ESRRG: variants seen among roughly 807,000 people sequenced by gnomAD.
ESRRG encodes the protein estrogen related receptor gamma.
ESRRG carries 13 observed loss-of-function variants against 44.0 expected under a neutral mutation model. The ratio of observed to expected loss-of-function variants is 0.30; its 90% CI spans 0.19 to 0.47. ESRRG has a LOEUF of 0.47. Among genes scored for constraint, ESRRG ranks in the 20% least tolerant of loss-of-function variants. The pLI is 1.00. For synonymous variants in ESRRG, 215 were observed against 214.6 expected, an observed-to-expected ratio of 1.00 and a Z score of -0.02; for missense variants, 395 against 580.6, an observed-to-expected ratio of 0.68 and a Z score of 3.29.
intron 2 of ESRRG, among the ~76,000 whole-genome samples, chr1:216,792,994 A>G (rs11117678): frequency 0.099 from 15,010 of 152,176 alleles, 1,002 homozygotes; most frequent in East Asian, 0.2. Flanking sequence ...GAATCATGCA[A>G]TACAGTTAGA....
intron 1 of ESRRG, among the ~76,000 whole-genome samples, chr1:217,098,547 T>C (rs1185259187): frequency 1.3e-5 from 2 of 152,104 alleles, no homozygotes; most frequent in Non-Finnish European, 2.9e-5. Flanking sequence ...CCACTGATGA[T>C]GGGCAAGTAG....
At chr1:216,607,886 C>A (rs1184658608) in intron 3 of ESRRG, among the ~76,000 whole-genome samples, 2 of 152,140 alleles carry the variant, frequency 1.3e-5, no homozygotes, top group African/African-American at 4.8e-5. Context: ...CACAAAACCA[C>A]TAATAAGTTT....
At chr1:217,025,848 TA>T (rs2081099504) in intron 1 of ESRRG, among the ~76,000 whole-genome samples, 1 of 152,240 alleles carries the variant, frequency 6.6e-6, no homozygotes, top group South Asian at 2.1e-4. Context: ...TATGGTTATA[TA>T]GTTACACTAC....
At chr1:216,895,564 C>T (rs1010535922) in intron 2 of ESRRG, among the ~76,000 whole-genome samples, 3 of 152,094 alleles carry the variant, frequency 2.0e-5, no homozygotes, top group African/African-American at 7.2e-5. Context: ...GTTCTTCTAC[C>T]TTAGCAAGTT....
chr1:216,776,293 C>A (rs75573636), intron 2 of ESRRG, among the ~76,000 whole-genome samples: 2 of 152,048 alleles, frequency 1.3e-5, no homozygotes, highest in Non-Finnish European at 2.9e-5. Context: ...CATACGGCAA[C>A]CACTCCCCAC....
chr1:216,715,774 A>G (rs1188987708), intron 1 of ESRRG, among the ~76,000 whole-genome samples: 3 of 152,086 alleles, frequency 2.0e-5, no homozygotes, highest in Admixed American at 2.0e-4. Flanking sequence ...GTATCCTTTT[A>G]AGATATTTTA....
At chr1:217,049,622 G>C (rs760904482) in intron 1 of ESRRG, among the ~76,000 whole-genome samples, 1 of 152,194 alleles carries the variant, frequency 6.6e-6, no homozygotes, top group Non-Finnish European at 1.5e-5. Flanking sequence ...AGAAGATCTA[G>C]AGGTGAGTGT....
chr1:216,813,890 T>G (rs1414588261), intron 2 of ESRRG, among the ~76,000 whole-genome samples: 2 of 152,224 alleles, frequency 1.3e-5, no homozygotes, highest in East Asian at 3.8e-4. Context: ...GAATAGTATC[T>G]CAGTTGCATT....
chr1:217,129,804 G>A (rs1447049387), intron 1 of ESRRG, among the ~76,000 whole-genome samples: 2 of 152,146 alleles, frequency 1.3e-5, no homozygotes, highest in African/African-American at 2.4e-5. Context: ...TGGCTGAAGG[G>A]GAGGGAAGAA....
intron 2 of ESRRG, among the ~76,000 whole-genome samples, chr1:216,878,337 A>G (rs1421599337): frequency 6.6e-6 from 1 of 152,168 alleles, no homozygotes; most frequent in Non-Finnish European, 1.5e-5. Context: ...CATCAGTATT[A>G]GGCACTATAA....
In ESRRG at chr1:216,735,714, T is replaced by C. The variant is rs146601422; in HGVS notation, c.-13-58223A>G. ...AAAAATTTCAGGCTGGGAGTGGTGG[T>C]TCATGCCTGTAATCCCAGCACTTTG... is the stretch of plus-strand genomic sequence containing the variant. On this transcript the variant is annotated intron_variant, in intron 2 of 7. Transcript: ENST00000359162. Among the ~76,000 whole-genome samples, 701 of 152,054 alleles carry C rather than the reference T, an allele frequency of 4.6e-3. 13 individuals are homozygous for C. Among genetic ancestry groups the C allele is most frequent in the African/African-American group, 0.016 (682 of 41,488 alleles).
In ESRRG at chr1:216,645,476, T is replaced by C. The variant is rs115242040; in HGVS notation, c.589+5497A>G. On this transcript the variant is annotated intron_variant, in intron 3 of 6. Coordinates refer to ENST00000408911, the MANE Select transcript of ESRRG (RefSeq NM_001438.4). The stretch of plus-strand genomic sequence containing the variant: ...TGAAGGGTTAAGAAAGAATATAGTC[T>C]AACTGGTCCCCTGAAGATACAGGAA... Among the ~76,000 whole-genome samples the C allele has an allele frequency of 8.5e-4, 130 of 152,262 alleles. 2 individuals are homozygous for C. The highest frequency in any genetic ancestry group is 2.9e-3 in the African/African-American group (120 of 41,564).
chr1:217,061,137 AT>A (rs2151351137), intron 1 of ESRRG, among the ~76,000 whole-genome samples: 1 of 152,128 alleles, frequency 6.6e-6, no homozygotes, highest in Admixed American at 6.6e-5. Flanking sequence ...GGAGTTAACA[AT>A]GTGTAAAATG....
In ESRRG at chr1:216,506,897, C is replaced by G; in HGVS notation, c.*42G>C. 4.4e-6 allele frequency: 7 copies of G among 1,582,020 alleles called. No individual in the cohort carries two copies. The Middle Eastern group carries it at 5.1e-4, about 116-fold the overall frequency. ...GACATCACTCTTGGGTTTATTTTCC[C>G]TTTTTCAACATGAAGGATGGGAAGG... is the stretch of plus-strand genomic sequence containing the variant. On this transcript the variant is annotated 3_prime_UTR_variant, in exon 7 of 7. Transcript: ENST00000408911.
At chr1:217,049,373 T>C (rs1267662291) in intron 1 of ESRRG, among the ~76,000 whole-genome samples, 1 of 152,170 alleles carries the variant, frequency 6.6e-6, no homozygotes, top group Non-Finnish European at 1.5e-5. Flanking sequence ...TCTCACTGAA[T>C]TGCTATCTGC....
chr1:216,825,899 A>G (rs2095384247), intron 2 of ESRRG, among the ~76,000 whole-genome samples: 1 of 152,248 alleles, frequency 6.6e-6, no homozygotes. Context: ...ATTTAAACTA[A>G]ATCTATTAGT....
chr1:217,081,221 C>CTTTTT (rs143325476), intron 1 of ESRRG, among the ~76,000 whole-genome samples: 25,863 of 70,338 alleles, frequency 0.37, 8,431 homozygotes, highest in Non-Finnish European at 0.43. Context: ...TAAAAATATT[C>CTTTTT]TTTTTTTTTT....
chr1:216,579,419 A>T (rs950460937), intron 3 of ESRRG, among the ~76,000 whole-genome samples: 1 of 152,132 alleles, frequency 6.6e-6, no homozygotes, highest in Non-Finnish European at 1.5e-5. Context: ...AGAAATTAAC[A>T]GTTGGGAAAG....
At position 217,017,478 on chromosome 1, in the gene ESRRG, CAAAAAAA is replaced by C. The variant is rs55820027; in HGVS notation, c.-106+72022_-106+72028del. Among the ~76,000 whole-genome samples, 12 of 82,510 alleles carry C rather than the reference CAAAAAAA, an allele frequency of 1.5e-4. No individual in the cohort carries two copies. In the South Asian group the frequency reaches 2.0e-3, roughly 14 times the overall value. 54.1% of individuals were successfully genotyped at this position (82,510 alleles called of 152,430 possible). On this transcript the variant is annotated intron_variant, in intron 1 of 7. Transcript: ENST00000359162. ...TAGAGAAAAGAGAATCTACATAACT[CAAAAAAA>C]AAAAAAAAAAAAAGGAGAAAACCAC...
Sources: gnomAD v4.1 joint callset for allele counts (sites outside exome capture counted in the v4.1 genomes callset) on GRCh38, gnomAD v4.1.1 for gene constraint, MANE v1.5 for transcripts, NCBI Gene and HGNC (gene_info 2026-07-23, HGNC 2026-07-21) for gene names.